Variants in CADPS2 observed in about 807,000 individuals in gnomAD.
CADPS2 encodes the protein calcium-dependent secretion activator 2.
A neutral mutation model predicts 172.5 loss-of-function variants in CADPS2; 93 were observed. The ratio of observed to expected loss-of-function variants is 0.54; its 90% CI spans 0.46 to 0.64. The LOEUF is 0.64. CADPS2 is among the 30% of genes least tolerant of loss of function. CADPS2 has a pLI of 0.00. For missense variants in CADPS2, 1,420 were observed against 1,565.9 expected (o/e 0.91, Z 1.57); for synonymous variants, 546 against 555.2 (o/e 0.98, Z 0.23).
rs1284274138 is a variant in CADPS2 at position 122,552,822 on chromosome 7, G to A, written c.1475+1728C>T. 6.7e-5 allele frequency among the ~76,000 whole-genome samples: 10 copies of A among 150,170 alleles called. 1 individual carries two copies. Among genetic ancestry groups the A allele is most frequent in the African/African-American group, 2.4e-4 (10 of 40,900 alleles). On this transcript the variant is annotated intron_variant, in intron 8 of 29. Coordinates refer to ENST00000449022, the MANE Select transcript of CADPS2 (RefSeq NM_017954.11). ...ATTGTGCCATTCATCAAAAGAAAAA[G>A]GGACTGAGTGAAAAAGGGTAGAGAA...
chr7:122,451,477 T>TG lies in CADPS2; in HGVS notation c.2187-3dup, dbSNP rs1230705013. ...GAAACAGTCCCAATTCCATCAGGCC[T>TG]GAAAAAAAAATCAGAATCAATAATT... is the stretch of plus-strand genomic sequence containing the variant. On this transcript the variant is annotated splice_polypyrimidine_tract_variant and splice_region_variant and intron_variant, in intron 14 of 29. Coordinates refer to ENST00000449022, the MANE Select transcript of CADPS2 (RefSeq NM_017954.11). 2.0e-6 allele frequency: 3 copies of TG among 1,532,962 alleles called. No homozygotes were observed. Among genetic ancestry groups the TG allele is most frequent in the Non-Finnish European group, 1.8e-6 (2 of 1,132,248 alleles). 95.0% of individuals were successfully genotyped at this position (1,532,962 alleles called of 1,614,324 possible).
intron 1 of CADPS2, among the ~76,000 whole-genome samples, chr7:122,800,047 C>T (rs1454623474): frequency 6.6e-6 from 1 of 152,166 alleles, no homozygotes; most frequent in Non-Finnish European, 1.5e-5. Context: ...GCAAACACTA[C>T]ATATGGCATA....
At chr7:122,758,265 C>G (rs35036249) in intron 1 of CADPS2, among the ~76,000 whole-genome samples, 32,651 of 152,064 alleles carry the variant, frequency 0.21, 3,752 homozygotes, top group Middle Eastern at 0.31. Flanking sequence ...ATGAATTTCT[C>G]ACTCCTTTTG....
At chr7:122,863,041 T>C (rs953455570) in intron 1 of CADPS2, among the ~76,000 whole-genome samples, 4 of 152,160 alleles carry the variant, frequency 2.6e-5, no homozygotes, top group Admixed American at 6.5e-5. Flanking sequence ...TTTTTGCATA[T>C]AGCCTTAAAA....
At chr7:122,501,057 C>T (rs1224618947) in intron 9 of CADPS2, among the ~76,000 whole-genome samples, 1 of 151,802 alleles carries the variant, frequency 6.6e-6, no homozygotes, top group Non-Finnish European at 1.5e-5. Flanking sequence ...GAGTTCAAGA[C>T]TAGCGTAGGC....
At chr7:122,757,454 G>GT (rs1188832473) in intron 1 of CADPS2, among the ~76,000 whole-genome samples, 2 of 152,206 alleles carry the variant, frequency 1.3e-5, no homozygotes, top group East Asian at 3.9e-4. Flanking sequence ...AGCCAGGAAT[G>GT]TTTTTTAAAG....
intron 1 of CADPS2, among the ~76,000 whole-genome samples, chr7:122,774,806 A>G (rs2093824055): frequency 6.6e-6 from 1 of 152,138 alleles, no homozygotes; most frequent in South Asian, 2.1e-4. Flanking sequence ...CCTACAATAT[A>G]TATTTAATGT....
rs1005448972 is a variant in CADPS2, at chr7:122,699,442, TA to T, written c.454-35874del. Reference sequence around the variant, plus strand: ...AGATATTTCCAACAAAATGGCAAGCTAAAAAAAAGGATAATTAAAAATTAGT... The same window carrying T: ...AGATATTTCCAACAAAATGGCAAGCTAAAAAAAGGATAATTAAAAATTAGT... On this transcript the variant is annotated intron_variant, in intron 2 of 29. Coordinates refer to ENST00000449022, the MANE Select transcript of CADPS2 (RefSeq NM_017954.11). 5.4e-4 allele frequency among the ~76,000 whole-genome samples: 82 copies of T among 151,874 alleles called. 1 individual carries two copies. The highest frequency in any genetic ancestry group is 1.9e-3 in the South Asian group (9 of 4,808).
At chr7:122,762,556 T>TA (rs2093423514) in intron 1 of CADPS2, among the ~76,000 whole-genome samples, 1 of 152,202 alleles carries the variant, frequency 6.6e-6, no homozygotes. Context: ...TAAAATTCGT[T>TA]ACCCAGTTAA....
At chr7:122,880,869 G>T (rs945353129) in intron 1 of CADPS2, among the ~76,000 whole-genome samples, 1 of 152,116 alleles carries the variant, frequency 6.6e-6, no homozygotes, top group African/African-American at 2.4e-5. Flanking sequence ...TCAAACCCTA[G>T]AAAATATGCC....
chr7:122,415,212 G>A (rs1016587876), intron 18 of CADPS2, among the ~76,000 whole-genome samples: 6 of 152,184 alleles, frequency 3.9e-5, no homozygotes, highest in African/African-American at 1.4e-4. Flanking sequence ...CGAAAGCCTA[G>A]AGTTATCAAC....
At position 122,692,267 on chromosome 7, in the gene CADPS2, G is replaced by A. The variant is rs554863636; in HGVS notation, c.454-28698C>T. 5.9e-5 allele frequency among the ~76,000 whole-genome samples: 9 copies of A among 152,244 alleles called. No individual in the cohort carries two copies. In the South Asian group the frequency reaches 1.5e-3, roughly 25 times the overall value. On this transcript the variant is annotated intron_variant, in intron 2 of 29. Transcript: ENST00000449022. ...CACCATATAAAATGTGTTCCACCAC[G>A]GTGGTGGGGGGAGGGTCCCTAGGCT...
intron 14 of CADPS2, among the ~76,000 whole-genome samples, chr7:122,454,758 C>T (rs944447349): frequency 2.9e-4 from 44 of 152,228 alleles, no homozygotes; most frequent in Non-Finnish European, 2.8e-4. Flanking sequence ...TCAGAGTATT[C>T]GAGATTTAAA....
intron 2 of CADPS2, among the ~76,000 whole-genome samples, chr7:122,706,856 C>G (rs2087644662): frequency 6.8e-6 from 1 of 146,824 alleles, no homozygotes; most frequent in South Asian, 2.2e-4. Flanking sequence ...TTTTTTTTTC[C>G]AGAAACTTAC....
At chr7:122,805,771 C>T (rs7781410) in intron 1 of CADPS2, among the ~76,000 whole-genome samples, 3 of 152,180 alleles carry the variant, frequency 2.0e-5, no homozygotes, top group East Asian at 1.9e-4. Flanking sequence ...CCAGGAAATA[C>T]GTGCCCTATA....
chr7:122,877,557 T>G (rs1035330302), intron 1 of CADPS2, among the ~76,000 whole-genome samples: 2 of 151,856 alleles, frequency 1.3e-5, no homozygotes, highest in South Asian at 4.1e-4. Context: ...GACCAGTTAA[T>G]TACAAAAAAA....
At chr7:122,816,222 T>G (rs1297749961) in intron 1 of CADPS2, among the ~76,000 whole-genome samples, 1 of 141,058 alleles carries the variant, frequency 7.1e-6, no homozygotes, top group Non-Finnish European at 1.5e-5. Context: ...ACCATTATTC[T>G]ACTCTCTATC....
rs191233697 is a variant in CADPS2 at position 122,556,749 on chromosome 7, G to C, written c.1336-2060C>G. Among the ~76,000 whole-genome samples, 224 of 152,218 alleles carry C rather than the reference G, an allele frequency of 1.5e-3. 1 individual carries two copies. Among genetic ancestry groups the C allele is most frequent in the Admixed American group, 0.012 (179 of 15,266 alleles). ...CTCTGTTCAATTAAATAAACACTGA[G>C]TTCTTACTATGTGAGGATACACAAA... is the stretch of plus-strand genomic sequence containing the variant. On this transcript the variant is annotated intron_variant, in intron 7 of 29. Transcript: ENST00000449022.
At chr7:122,615,755 T>C (rs1788768058) in intron 5 of CADPS2, among the ~76,000 whole-genome samples, 1 of 152,102 alleles carries the variant, frequency 6.6e-6, no homozygotes, top group African/African-American at 2.4e-5. Flanking sequence ...CTGATATCAA[T>C]ATGTGATATC....
Sources: allele counts gnomAD v4.1 joint callset (sites outside exome capture counted in the v4.1 genomes callset), GRCh38; gene constraint gnomAD v4.1.1; transcripts MANE v1.5; gene names NCBI Gene and HGNC (gene_info 2026-07-23, HGNC 2026-07-21).